RBM38: variants seen among roughly 807,000 people sequenced by gnomAD.
RBM38 encodes RNA binding motif protein 38.
RBM38 carries 11 observed loss-of-function variants against 23.5 expected under a neutral mutation model. The ratio of observed to expected loss-of-function variants is 0.47; its 90% CI spans 0.29 to 0.77. The LOEUF (loss-of-function observed/expected upper bound fraction) is 0.77, where lower values mean the gene tolerates loss of function less well. RBM38 is among the 30% of genes least tolerant of loss of function. RBM38 has a pLI of 0.08. For synonymous variants in RBM38, 165 were observed against 166.1 expected (o/e 0.99, Z 0.05); for missense variants, 330 against 351.9 (o/e 0.94, Z 0.50).
At position 57,408,312 on chromosome 20, in the gene RBM38, C is replaced by A. The variant is rs1044282646; in HGVS notation, c.*466C>A. The stretch of plus-strand genomic sequence containing the variant: ...GGACTGTTTATTGTAACTTGATCCT[C>A]CCGAGCTGTGAGCGCAGTCTGAGGT... On this transcript the variant is annotated 3_prime_UTR_variant, in exon 4 of 4. Transcript: ENST00000356208. 5.3e-6 allele frequency: 1 copy of A among 187,154 alleles called. No individual in the cohort carries two copies. The highest frequency in any genetic ancestry group is 1.1e-5 in the Non-Finnish European group (1 of 87,500). The allele number at this position is 187,154 out of a possible 1,614,324, so 11.6% of individuals were successfully genotyped here.
At chr20:57,405,853 T>C (rs112580384) in intron 3 of RBM38, among the ~76,000 whole-genome samples, 8 of 152,210 alleles carry the variant, frequency 5.3e-5, no homozygotes, top group African/African-American at 1.9e-4. Context: ...TCCCTGGCTC[T>C]GGGGAGGGAG....
chr20:57,401,135 T>C (rs2067324288), intron 3 of RBM38, among the ~76,000 whole-genome samples: 1 of 152,210 alleles, frequency 6.6e-6, no homozygotes, highest in Non-Finnish European at 1.5e-5. Flanking sequence ...CCCCCTGACC[T>C]GGGGCTGAAA....
intron 3 of RBM38, among the ~76,000 whole-genome samples, chr20:57,394,648 G>A (rs2067256184): frequency 1.3e-5 from 2 of 152,150 alleles, no homozygotes; most frequent in South Asian, 2.1e-4. Context: ...AATCTGTTTT[G>A]TAGATGTCTA....
intron 3 of RBM38, among the ~76,000 whole-genome samples, chr20:57,395,910 A>C (rs937937643): frequency 1.3e-5 from 2 of 152,166 alleles, no homozygotes; most frequent in African/African-American, 4.8e-5. Context: ...GGCTGAGGGC[A>C]TGGAGGGAGG....
chr20:57,395,829 C>A (rs964959537), intron 3 of RBM38, among the ~76,000 whole-genome samples: 2 of 152,312 alleles, frequency 1.3e-5, no homozygotes, highest in Middle Eastern at 3.4e-3. Context: ...AACAATCAGG[C>A]CCCGGGAGCA....
At chr20:57,399,344 G>A (rs1488864959) in intron 3 of RBM38, among the ~76,000 whole-genome samples, 1 of 152,186 alleles carries the variant, frequency 6.6e-6, no homozygotes, top group Non-Finnish European at 1.5e-5. Context: ...GACTGCCGAG[G>A]GTATTGTGGT....
intron 3 of RBM38, among the ~76,000 whole-genome samples, chr20:57,403,440 C>T (rs1233505441): frequency 1.3e-5 from 2 of 152,188 alleles, no homozygotes; most frequent in East Asian, 3.9e-4. Context: ...TGAGGTGTGG[C>T]CCGTGCTGTG....
In RBM38 at chr20:57,407,813, G is replaced by T; in HGVS notation, c.687G>T (p.Gln229His). ...CGGGCACCACTTTCGTGCAGTACCAGGCGCCGCAGCTGCAGCCTGACAGGA... is the reference window on the plus strand; with the variant it reads ...CGGGCACCACTTTCGTGCAGTACCATGCGCCGCAGCTGCAGCCTGACAGGA... ...APAGTTFVQY[Q>H]APQLQPDRMQ The change falls in exon 4 of 4, where the codon CAG (glutamine) becomes CAT (histidine). Residue 229 changes from glutamine (Q) to histidine (H), a missense_variant. Transcript: ENST00000356208. The surrounding 1 kb of genome is among the most constrained non-coding windows in gnomAD (Gnocchi z 4.0). The T allele has an allele frequency of 1.3e-6, 2 of 1,587,274 alleles. No individual in the cohort carries two copies. The highest frequency in any genetic ancestry group is 1.7e-6 in the Non-Finnish European group (2 of 1,169,694).
intron 3 of RBM38, among the ~76,000 whole-genome samples, chr20:57,405,331 G>A (rs148330553): frequency 1.6e-3 from 249 of 152,334 alleles, no homozygotes; most frequent in African/African-American, 5.7e-3. Flanking sequence ...GTCACAGCTC[G>A]AGAGTCAGAA....
intron 3 of RBM38, among the ~76,000 whole-genome samples, chr20:57,406,565 G>A (rs893859368): frequency 2.0e-5 from 3 of 152,174 alleles, no homozygotes; most frequent in African/African-American, 7.2e-5. Context: ...GGGCGCTGGC[G>A]AGTATGGCAG....
intron 3 of RBM38, among the ~76,000 whole-genome samples, chr20:57,398,249 CGTGTGTGTGTGT>C (rs3067272): frequency 6.7e-6 from 1 of 149,020 alleles, no homozygotes; most frequent in African/African-American, 2.4e-5. Flanking sequence ...CAGGTGATGG[CGTGTGTGTGTGT>C]GTGTGTGTGT....
At chr20:57,393,374 G>A (rs754576183) in intron 3 of RBM38, 41 bp downstream of exon 3, 7 of 1,599,658 alleles carry the variant, frequency 4.4e-6, no homozygotes, top group Non-Finnish European at 5.1e-6. Context: ...AGTCCGTGGA[G>A]ATGAAGTGGA....
chr20:57,392,319 T>G (rs1045857585), intron 1 of RBM38: 1 of 928,462 alleles, frequency 1.1e-6, no homozygotes, highest in Non-Finnish European at 1.6e-6. Flanking sequence ...CAGAGGAAAG[T>G]CTCGGCCCTC....
Position 57,407,407 on chromosome 20 carries a change from G to T in RBM38, c.417-136G>T. On this transcript the variant is annotated intron_variant, in intron 3 of 3. Transcript: ENST00000356208. The surrounding 1 kb of genome is among the most constrained non-coding windows in gnomAD (Gnocchi z 4.0). ...AGGCGGCAGCATCTGGCCAGGTGCTGTTTCTGTGCCCATCTGACCGATGAG... is the reference window on the plus strand; with the variant it reads ...AGGCGGCAGCATCTGGCCAGGTGCTTTTTCTGTGCCCATCTGACCGATGAG... 1 of 1,025,170 alleles carries T rather than the reference G, an allele frequency of 9.8e-7. No homozygotes were observed. Among genetic ancestry groups the T allele is most frequent in the Non-Finnish European group, 1.4e-6 (1 of 694,508 alleles). The allele number at this position is 1,025,170 out of a possible 1,614,324, so 63.5% of individuals were successfully genotyped here.
chr20:57,406,200 CTG>C (rs1050523889), intron 3 of RBM38, among the ~76,000 whole-genome samples: 94 of 152,356 alleles, frequency 6.2e-4, no homozygotes, highest in African/African-American at 2.1e-3. Context: ...AGACGGGAAA[CTG>C]AGGCTTAGCG....
intron 3 of RBM38, among the ~76,000 whole-genome samples, chr20:57,401,018 C>G (rs1456332296): frequency 2.0e-5 from 3 of 152,112 alleles, no homozygotes; most frequent in South Asian, 4.1e-4. Context: ...GGGCCCTGGC[C>G]AAACAGGAGC....
At chr20:57,397,922 C>T (rs941844066) in intron 3 of RBM38, among the ~76,000 whole-genome samples, 10 of 152,168 alleles carry the variant, frequency 6.6e-5, no homozygotes, top group Non-Finnish European at 1.3e-4. Flanking sequence ...AACAGTTCCG[C>T]GTCTCGAGTA....
chr20:57,392,928 C>G lies in RBM38; in HGVS notation c.361+151C>G, dbSNP rs537573446. 6.2e-4 allele frequency: 657 copies of G among 1,064,034 alleles called. 3 individuals are homozygous for G. In the East Asian group the frequency reaches 0.014, roughly 22 times the overall value. The allele number at this position is 1,064,034 out of a possible 1,614,324, so 65.9% of individuals were successfully genotyped here. On this transcript the variant is annotated intron_variant, in intron 2 of 3. Coordinates refer to ENST00000356208, the MANE Select transcript of RBM38 (RefSeq NM_017495.6). ...AGCCGGCACAGGGCAGCCATCCCCC[C>G]CTCGAGGATCTAGACCCCTTCTCAC...
At chr20:57,392,214 C>T (rs959103793) in intron 1 of RBM38, 2 of 343,778 alleles carry the variant, frequency 5.8e-6, no homozygotes, top group Admixed American at 8.3e-5. Context: ...TTTAACAGCC[C>T]TCTCAGCCGC....
Sources: allele counts gnomAD v4.1 joint callset (sites outside exome capture counted in the v4.1 genomes callset), GRCh38; gene constraint gnomAD v4.1.1; non-coding constraint Gnocchi (gnomAD v3.1); transcripts MANE v1.5; gene names NCBI Gene and HGNC (gene_info 2026-07-23, HGNC 2026-07-21).